Variants in PRKAG2 observed in about 807,000 individuals in gnomAD.
PRKAG2 encodes protein kinase AMP-activated non-catalytic subunit gamma 2.
Under a neutral mutation model 69.6 loss-of-function variants are expected in PRKAG2, and 26 were observed. The ratio of observed to expected loss-of-function variants is 0.37; its 90% CI spans 0.27 to 0.52. PRKAG2 has a LOEUF of 0.52. PRKAG2 is among the 20% of genes least tolerant of loss of function. The pLI is 0.90. For missense variants in PRKAG2, 557 were observed against 740.0 expected, an observed-to-expected ratio of 0.75 and a Z score of 2.87; for synonymous variants, 293 against 285.0, an observed-to-expected ratio of 1.03 and a Z score of -0.28.
chr7:151,821,863 C>T (rs1231522449), intron 1 of PRKAG2, among the ~76,000 whole-genome samples: 1 of 152,184 alleles, frequency 6.6e-6, no homozygotes, highest in Non-Finnish European at 1.5e-5. Flanking sequence ...ATTATGCCCA[C>T]CCCACAGGGT....
intron 1 of PRKAG2, among the ~76,000 whole-genome samples, chr7:151,869,287 C>G (rs948631934): frequency 6.6e-6 from 1 of 152,208 alleles, no homozygotes; most frequent in African/African-American, 2.4e-5. Context: ...CATCAGTAGG[C>G]TGCTCCTCTG....
intron 13 of PRKAG2, among the ~76,000 whole-genome samples, chr7:151,564,609 T>C (rs1805805521): frequency 6.6e-6 from 1 of 152,200 alleles, no homozygotes; most frequent in Non-Finnish European, 1.5e-5. Flanking sequence ...CTAGAAATGC[T>C]GCAGCAACGG....
chr7:151,833,014 G>A (rs975702728), intron 1 of PRKAG2, among the ~76,000 whole-genome samples: 20 of 152,292 alleles, frequency 1.3e-4, no homozygotes, highest in African/African-American at 4.1e-4. Flanking sequence ...GCACTCACTC[G>A]TTTATGGTGC....
At chr7:151,678,983 A>G (rs1833399872) in intron 3 of PRKAG2, among the ~76,000 whole-genome samples, 1 of 152,052 alleles carries the variant, frequency 6.6e-6, no homozygotes, top group African/African-American at 2.4e-5. Context: ...GAAAAAAAAG[A>G]AAAGTAGAAT....
chr7:151,826,950 A>G (rs1305691114), intron 1 of PRKAG2, among the ~76,000 whole-genome samples: 2 of 152,342 alleles, frequency 1.3e-5, no homozygotes, highest in Non-Finnish European at 1.5e-5. Flanking sequence ...ATTGAGAAAA[A>G]AAAGGCCACC....
intron 1 of PRKAG2, among the ~76,000 whole-genome samples, chr7:151,863,044 GGGGTGCAGGGGGCGCTGGTAGATCCCT>G (rs1311508368): frequency 1.5e-5 from 2 of 132,362 alleles, no homozygotes; most frequent in African/African-American, 5.6e-5. Context: ...TGTAGGTCCT[GGGGTGCAGGGGGCGCTGGTAGATCCCT>G]GGGTGCAGGG....
At chr7:151,599,344 T>G (rs1815422559) in intron 5 of PRKAG2, among the ~76,000 whole-genome samples, 1 of 152,030 alleles carries the variant, frequency 6.6e-6, no homozygotes, top group African/African-American at 2.4e-5. Flanking sequence ...TCCACTCATT[T>G]CTCTGCCTCC....
chr7:151,735,783 T>A (rs1547470), intron 3 of PRKAG2: 1 of 1,356,702 alleles, frequency 7.4e-7, no homozygotes, highest in South Asian at 1.3e-5. Context: ...TGATGTTATA[T>A]CCCAGTTGGA....
At chr7:151,705,446 A>G (rs535448423) in intron 3 of PRKAG2, among the ~76,000 whole-genome samples, 16 of 152,274 alleles carry the variant, frequency 1.1e-4, no homozygotes, top group East Asian at 3.9e-4. Context: ...TCACCCCGGT[A>G]TGCCGAACAC....
Position 151,693,669 on chromosome 7 carries a change from G to T in PRKAG2, c.467-18032C>A, listed in dbSNP as rs372834530. ...CCTTATGTTGAATTCTACCCGCAAGGTGATGGTGTTAGGAGGCCGGGCCTT... is the reference window on the plus strand; with the variant it reads ...CCTTATGTTGAATTCTACCCGCAAGTTGATGGTGTTAGGAGGCCGGGCCTT... On this transcript the variant is annotated intron_variant, in intron 3 of 15. Coordinates refer to ENST00000287878, the MANE Select transcript of PRKAG2 (RefSeq NM_016203.4). Among the ~76,000 whole-genome samples, 78 of 152,322 alleles carry T rather than the reference G, an allele frequency of 5.1e-4. 1 individual carries two copies. In the Middle Eastern group the frequency reaches 0.017, roughly 33 times the overall value.
At chr7:151,563,296 A>G (rs1298145637) in intron 14 of PRKAG2, among the ~76,000 whole-genome samples, 1 of 152,158 alleles carries the variant, frequency 6.6e-6, no homozygotes, top group Non-Finnish European at 1.5e-5. Flanking sequence ...TCTTTTATTT[A>G]GGGTGTTACA....
intron 3 of PRKAG2, among the ~76,000 whole-genome samples, chr7:151,772,268 C>T (rs557011175): frequency 1.1e-4 from 17 of 152,278 alleles, no homozygotes; most frequent in South Asian, 6.2e-4. Context: ...ACACATAATG[C>T]CCCTTTCAGG....
chr7:151,831,734 C>T (rs919720082), intron 1 of PRKAG2, among the ~76,000 whole-genome samples: 3 of 152,174 alleles, frequency 2.0e-5, no homozygotes, highest in South Asian at 2.1e-4. Flanking sequence ...GTCCTGGCCT[C>T]GCCCCCTGGA....
chr7:151,776,051 C>T (rs2076330027), intron 3 of PRKAG2, among the ~76,000 whole-genome samples: 1 of 152,226 alleles, frequency 6.6e-6, no homozygotes, highest in South Asian at 2.1e-4. Flanking sequence ...AGTCAAGTAA[C>T]ACCACAGCAC....
At chr7:151,730,529 A>T (rs910833267) in intron 3 of PRKAG2, among the ~76,000 whole-genome samples, 1 of 152,176 alleles carries the variant, frequency 6.6e-6, no homozygotes, top group African/African-American at 2.4e-5. Context: ...AAAGTAAAAT[A>T]AAAAGAAAAT....
chr7:151,849,356 C>T (rs556903937), intron 1 of PRKAG2, among the ~76,000 whole-genome samples: 19 of 152,318 alleles, frequency 1.2e-4, no homozygotes, highest in African/African-American at 3.4e-4. Flanking sequence ...GGAGTCCAAG[C>T]GATGTCAGGA....
Position 151,675,419 on chromosome 7 carries a change from C to T in PRKAG2, c.684+1G>A, listed in dbSNP as rs1457532924. On this transcript the variant is annotated splice_donor_variant, in intron 4 of 15. Transcript: ENST00000287878. LOFTEE classifies it high-confidence loss of function. ...CCACCCACAGAAGGGCCCAGACTTA[C>T]GGCTTTGGAGGGAGCATAGTGTGTC... The T allele has an allele frequency of 3.7e-6, 6 of 1,613,654 alleles. No homozygotes were observed. The highest frequency in any genetic ancestry group is 5.1e-6 in the Non-Finnish European group (6 of 1,179,650).
intron 3 of PRKAG2, among the ~76,000 whole-genome samples, chr7:151,703,913 T>C (rs933720724): frequency 1.5e-4 from 14 of 91,652 alleles, no homozygotes; most frequent in East Asian, 1.1e-3. Context: ...CACACACAAA[T>C]TAGCTAGGCA....
chr7:151,801,390 C>T (rs1476059626), intron 1 of PRKAG2, among the ~76,000 whole-genome samples: 2 of 141,978 alleles, frequency 1.4e-5, no homozygotes, highest in Non-Finnish European at 3.0e-5. Context: ...GAACCCAGGT[C>T]CCCATCTCTC....
Sources: allele counts gnomAD v4.1 joint callset (sites outside exome capture counted in the v4.1 genomes callset), GRCh38; gene constraint gnomAD v4.1.1; transcripts MANE v1.5; gene names NCBI Gene and HGNC (gene_info 2026-07-23, HGNC 2026-07-21).